ARHGAP10: variants seen among roughly 807,000 people sequenced by gnomAD.
ARHGAP10 encodes the protein rho GTPase-activating protein 10.
In ARHGAP10, 87 loss-of-function variants were observed where a neutral mutation model predicts 108.6. That is an observed-to-expected ratio of 0.80 (90% CI 0.67 to 0.96). The LOEUF is 0.96. Ranked by LOEUF, ARHGAP10 falls within the 40% of genes least tolerant of loss-of-function variation. The probability of loss-of-function intolerance (pLI) is 0.00; values close to 1 mark genes in which losing one functional copy is unlikely to be tolerated. For missense variants in ARHGAP10, 939 were observed against 954.5 expected, an observed-to-expected ratio of 0.98 and a Z score of 0.21; for synonymous variants, 347 against 341.1, an observed-to-expected ratio of 1.02 and a Z score of -0.19.
At chr4:148,040,692 T>G (rs1224956882) in intron 19 of ARHGAP10, among the ~76,000 whole-genome samples, 1 of 152,176 alleles carries the variant, frequency 6.6e-6, no homozygotes, top group Non-Finnish European at 1.5e-5. Context: ...TTTCAGTTGG[T>G]CTTGGAACCA....
chr4:147,819,200 A>G (rs1013961373), intron 1 of ARHGAP10, among the ~76,000 whole-genome samples: 1 of 152,250 alleles, frequency 6.6e-6, no homozygotes, highest in Non-Finnish European at 1.5e-5. Context: ...ATGAAACACC[A>G]TCTTTAAAAT....
chr4:148,051,481 T>C (rs758129421), intron 20 of ARHGAP10, among the ~76,000 whole-genome samples: 5 of 152,250 alleles, frequency 3.3e-5, no homozygotes, highest in Non-Finnish European at 5.9e-5. Flanking sequence ...CGGGCATTGC[T>C]ATCTGCTTCC....
intron 4 of ARHGAP10, among the ~76,000 whole-genome samples, chr4:147,856,372 T>A (rs1319589817): frequency 6.6e-6 from 1 of 152,148 alleles, no homozygotes; most frequent in Non-Finnish European, 1.5e-5. Flanking sequence ...GTTACAGAAA[T>A]CACTGGAAAG....
At chr4:148,010,106 C>CTT (rs542731795) in intron 18 of ARHGAP10, among the ~76,000 whole-genome samples, 18 of 151,264 alleles carry the variant, frequency 1.2e-4, no homozygotes, top group African/African-American at 4.4e-4. Flanking sequence ...TTCCCCTCCA[C>CTT]TTTTTTTTTG....
chr4:147,891,182 T>C (rs1735782328), intron 10 of ARHGAP10, among the ~76,000 whole-genome samples: 1 of 152,220 alleles, frequency 6.6e-6, no homozygotes, highest in Non-Finnish European at 1.5e-5. Context: ...TGAATGAGTG[T>C]TCATAGAAGC....
At chr4:148,046,491 A>G (rs1009514303) in intron 19 of ARHGAP10, among the ~76,000 whole-genome samples, 1 of 152,224 alleles carries the variant, frequency 6.6e-6, no homozygotes, top group Non-Finnish European at 1.5e-5. Context: ...GCAACTGAGA[A>G]TGACTTAAAG....
intron 13 of ARHGAP10, among the ~76,000 whole-genome samples, chr4:147,929,935 T>C (rs935472095): frequency 2.0e-5 from 3 of 152,248 alleles, no homozygotes; most frequent in African/African-American, 7.2e-5. Context: ...ATATTTGCAT[T>C]TGTGCATACA....
At chr4:147,987,996 G>A (rs1740106136) in intron 18 of ARHGAP10, among the ~76,000 whole-genome samples, 1 of 152,234 alleles carries the variant, frequency 6.6e-6, no homozygotes, top group Non-Finnish European at 1.5e-5. Flanking sequence ...AGCAGTGTGA[G>A]AAAATACAGA....
chr4:147,799,959 T>C (rs1047663229), intron 1 of ARHGAP10, among the ~76,000 whole-genome samples: 1 of 152,142 alleles, frequency 6.6e-6, no homozygotes, highest in African/African-American at 2.4e-5. Context: ...TTAAATCTTT[T>C]GTTTTAGCAG....
intron 18 of ARHGAP10, among the ~76,000 whole-genome samples, chr4:147,976,944 G>C (rs528260483): frequency 1.2e-4 from 19 of 152,294 alleles, no homozygotes; most frequent in Middle Eastern, 3.4e-3. Flanking sequence ...CTTGCCATGA[G>C]GTGAGTTTTT....
At chr4:147,859,631 C>A (rs1479048668) in intron 5 of ARHGAP10, among the ~76,000 whole-genome samples, 3 of 152,158 alleles carry the variant, frequency 2.0e-5, no homozygotes, top group African/African-American at 4.8e-5. Flanking sequence ...TACGTGGCTT[C>A]TTCCACTAGA....
At chr4:147,838,354 C>T (rs1733257625) in intron 3 of ARHGAP10, among the ~76,000 whole-genome samples, 1 of 152,050 alleles carries the variant, frequency 6.6e-6, no homozygotes, top group Non-Finnish European at 1.5e-5. Flanking sequence ...TCCATAATTC[C>T]AGCTACTTAG....
chr4:147,796,265 A>G (rs1390588167), intron 1 of ARHGAP10, among the ~76,000 whole-genome samples: 1 of 152,212 alleles, frequency 6.6e-6, no homozygotes, highest in East Asian at 1.9e-4. Context: ...AGATGAATAT[A>G]ATTAATCCTT....
intron 1 of ARHGAP10, among the ~76,000 whole-genome samples, chr4:147,766,581 T>TATATATATGTGTATACATACACATATAC (rs1654522573): frequency 3.4e-5 from 5 of 145,874 alleles, no homozygotes; most frequent in Non-Finnish European, 6.0e-5. Flanking sequence ...TGTGTATATA[T>TATATATATGTGTATACATACACATATAC]ACACATACAT....
At chr4:147,778,805 G>A (rs529055528) in intron 1 of ARHGAP10, among the ~76,000 whole-genome samples, 1 of 152,262 alleles carries the variant, frequency 6.6e-6, no homozygotes, top group Admixed American at 6.5e-5. Context: ...TAAGTGTTGA[G>A]TGAGTGGTAC....
intron 22 of ARHGAP10, among the ~76,000 whole-genome samples, chr4:148,068,507 G>A (rs181963436): frequency 1.6e-4 from 25 of 152,240 alleles, no homozygotes; most frequent in African/African-American, 5.3e-4. Context: ...AAAAAATATC[G>A]AGTGAAAAAA....
intron 18 of ARHGAP10, among the ~76,000 whole-genome samples, chr4:148,006,929 C>T (rs568395151): frequency 7.9e-5 from 12 of 152,250 alleles, no homozygotes; most frequent in African/African-American, 2.9e-4. Flanking sequence ...ATCAGTGGAC[C>T]TTTGTGGCCT....
intron 1 of ARHGAP10, among the ~76,000 whole-genome samples, chr4:147,791,467 T>C (rs1324836816): frequency 1.3e-5 from 2 of 152,292 alleles, no homozygotes; most frequent in East Asian, 1.9e-4. Context: ...TTTGCTACAT[T>C]CTGTAGTTCT....
rs1225622239 is a variant in ARHGAP10, at chr4:148,047,030, T to C, written c.2006T>C (p.Phe669Ser). The C allele has an allele frequency of 6.2e-7, 1 of 1,614,120 alleles. No homozygotes were observed. The highest frequency in any genetic ancestry group is 1.1e-5 in the South Asian group (1 of 91,070). ...KNHLLADGGS[F>S]GDWASTIPGQ... is the part of the protein sequence containing the mutation. ...CACCTTCTGGCAGATGGAGGGAGCT[T>C]TGGAGACTGGGCATCCACTATGTAA... The change falls in exon 20 of 23, where the codon TTT becomes TCT. Residue 669 changes from phenylalanine to serine, a missense_variant. Transcript: ENST00000336498.
Sources: gnomAD v4.1 joint callset for allele counts (sites outside exome capture counted in the v4.1 genomes callset) on GRCh38, gnomAD v4.1.1 for gene constraint, MANE v1.5 for transcripts, NCBI Gene and HGNC (gene_info 2026-07-23, HGNC 2026-07-21) for gene names.